MATN3: variants seen among roughly 807,000 people sequenced by gnomAD.
MATN3 encodes matrilin-3.
Under a neutral mutation model 45.3 loss-of-function variants are expected in MATN3, and 48 were observed. The observed-to-expected ratio is 1.06, with a 90% confidence interval of 0.84 to 1.35. The LOEUF is 1.35. Among genes scored for constraint, MATN3 ranks in the 40% most tolerant of loss-of-function variants. MATN3 has a pLI of 0.00. For missense variants in MATN3, 599 were observed against 628.0 expected, an observed-to-expected ratio of 0.95 and a Z score of 0.49; for synonymous variants, 217 against 245.9, an observed-to-expected ratio of 0.88 and a Z score of 1.10.
chr2:20,000,790 A>G (rs545269982), intron 4 of MATN3, among the ~76,000 whole-genome samples: 1 of 152,336 alleles, frequency 6.6e-6, no homozygotes, highest in South Asian at 2.1e-4. Flanking sequence ...TTTGGAAATC[A>G]TCAGTATTGA....
chr2:20,003,309 G>C, intron 2 of MATN3, 23 bp from the exon 3 acceptor site: 1 of 1,589,434 alleles, frequency 6.3e-7, no homozygotes, highest in Non-Finnish European at 8.6e-7. Flanking sequence ...GTTTACAACA[G>C]TCAGCACTGA....
At chr2:19,994,241 C>A in intron 7 of MATN3, 58 bp downstream of exon 7, 1 of 1,088,622 alleles carries the variant, frequency 9.2e-7, no homozygotes, top group Non-Finnish European at 1.4e-6. Flanking sequence ...GTGTTTGGCT[C>A]GATCGTAGTA....
chr2:20,009,270 TA>T (rs11365401), intron 1 of MATN3, among the ~76,000 whole-genome samples: 15,512 of 130,804 alleles, frequency 0.12, 1,070 homozygotes, highest in African/African-American at 0.23. Flanking sequence ...TTTCTTTCTT[TA>T]AAAAAAAAAA....
intron 1 of MATN3, among the ~76,000 whole-genome samples, chr2:20,009,027 C>A (rs1400138310): frequency 6.6e-6 from 1 of 151,968 alleles, no homozygotes. Context: ...GAGTTCTAGA[C>A]CAGCCTGGGC....
intron 7 of MATN3, 98 bp from the exon 8 acceptor site, chr2:19,993,264 G>A: frequency 2.1e-6 from 2 of 942,452 alleles, no homozygotes; most frequent in African/African-American, 1.7e-5. Flanking sequence ...TATGTCCTAT[G>A]AGAAGTGAAA....
At chr2:19,997,305 G>A (rs773174680) in intron 5 of MATN3, 46 bp from the exon 6 acceptor site, 2 of 1,538,730 alleles carry the variant, frequency 1.3e-6, no homozygotes, top group Non-Finnish European at 1.8e-6. Context: ...ACATTAAATA[G>A]AAAAGTAAAC....
chr2:19,994,210 T>C, intron 7 of MATN3, 89 bp downstream of exon 7: 1 of 751,412 alleles, frequency 1.3e-6, no homozygotes, highest in Non-Finnish European at 2.3e-6. Context: ...AATAAGTCAC[T>C]TGCCTGTGGA....
In MATN3 at chr2:20,012,415, C is replaced by G. The variant is rs916114741; in HGVS notation, c.217G>C (p.Gly73Arg). Reference sequence around the variant, plus strand: ...TCCCGCCGCCCGCCTGTACCTGCACCGCGGGCGCGGCCAGGCTCGCTGGTC... The same window carrying G: ...TCCCGCCGCCCGCCTGTACCTGCACGGCGGGCGCGGCCAGGCTCGCTGGTC... Reference protein sequence around the residue: ...SGTSEPGRARGAGVCKSRPLD... With the variant: ...SGTSEPGRARRAGVCKSRPLD... Residue 73 changes from glycine to arginine, a missense_variant, in exon 1 of 8, where the codon GGT (glycine) becomes CGT (arginine). By Grantham distance (125) the Gly-to-Arg change is moderately radical. Coordinates refer to ENST00000407540, the MANE Select transcript of MATN3 (RefSeq NM_002381.5). This position sits in a 1 kb window ranked among gnomAD's most constrained non-coding sequence, Gnocchi z 4.3. 23 of 1,229,244 alleles carry G rather than the reference C, an allele frequency of 1.9e-5. No individual in the cohort carries two copies. The highest frequency in any genetic ancestry group is 2.2e-5 in the Non-Finnish European group (22 of 986,458). 76.1% of individuals were successfully genotyped at this position (1,229,244 alleles called of 1,614,324 possible). A position where few individuals can be genotyped will look rare whatever the true frequency, so the allele number is the denominator to read the frequency against.
In MATN3 at chr2:20,012,544, G is replaced by A. The variant is rs1028533695; in HGVS notation, c.88C>T (p.Pro30Ser). 1 of 1,226,608 alleles carries A rather than the reference G, an allele frequency of 8.2e-7. No homozygotes were observed. The highest frequency in any genetic ancestry group is 1.0e-6 in the Non-Finnish European group (1 of 985,012). The allele number at this position is 1,226,608 out of a possible 1,614,324, so 76.0% of individuals were successfully genotyped here. ...LLLLPSAAPD[P>S]VARPGFRRLE... ...CTCCGGAAGCCCGGGCGGGCCACGG[G>A]GTCGGGGGCGGCGGAGGGCAGCAGC... The change falls in exon 1 of 8, where the codon CCC becomes TCC. Residue 30 changes from proline to serine, a missense_variant. Transcript: ENST00000407540. The surrounding 1 kb of genome is among the most constrained non-coding windows in gnomAD (Gnocchi z 4.3).
intron 2 of MATN3, 130 bp downstream of exon 2, chr2:20,005,614 A>G: frequency 1.3e-6 from 1 of 758,844 alleles, no homozygotes; most frequent in Non-Finnish European, 2.1e-6. Flanking sequence ...GTGCACACAC[A>G]CACACGCATT....
At chr2:20,005,551 C>T (rs914436872) in intron 2 of MATN3, among the ~76,000 whole-genome samples, 193 bp downstream of exon 2, 3 of 152,170 alleles carry the variant, frequency 2.0e-5, no homozygotes, top group African/African-American at 7.2e-5. Context: ...GCTCTATATT[C>T]CTAAACCAAT....
chr2:20,001,284 G>A (rs1401163786), intron 4 of MATN3, among the ~76,000 whole-genome samples: 3 of 152,104 alleles, frequency 2.0e-5, no homozygotes, highest in Admixed American at 2.0e-4. Context: ...TGCCATTAAT[G>A]TCCTTTTTCT....
intron 2 of MATN3, 34 bp from the exon 3 acceptor site, chr2:20,003,320 C>G (rs375173952): frequency 1.7e-5 from 27 of 1,561,388 alleles, no homozygotes; most frequent in Non-Finnish European, 2.4e-5. Flanking sequence ...TCAGCACTGA[C>G]ACTTAGGAAA....
At position 20,001,513 on chromosome 2, in the gene MATN3, G is replaced by A. The variant is rs1672982871; in HGVS notation, c.1042+442C>T. 3.3e-5 allele frequency among the ~76,000 whole-genome samples: 5 copies of A among 152,314 alleles called. No homozygotes were observed. In the South Asian group the frequency reaches 1.0e-3, roughly 32 times the overall value. Reference sequence around the variant, plus strand: ...GCAAGAATACTACAGGTGTGCTGTTGTGTCCACAGTATTGAGCACAGCATG... The same window carrying A: ...GCAAGAATACTACAGGTGTGCTGTTATGTCCACAGTATTGAGCACAGCATG... On this transcript the variant is annotated intron_variant, in intron 4 of 7. Transcript: ENST00000407540.
rs564730138 is a variant in MATN3, at chr2:19,999,941, GGGAGTGACT to G, written c.1168+491_1168+499del. 4.1e-4 allele frequency among the ~76,000 whole-genome samples: 63 copies of G among 152,330 alleles called. 2 individuals carry two copies. The South Asian group carries it at 0.013, about 31-fold the overall frequency. ...ATGATTGATCGTCTAGAAACTGCCAGGGAGTGACTGGCCTCAAACTTACTGGAAGATCTG... is the reference window on the plus strand; with the variant it reads ...ATGATTGATCGTCTAGAAACTGCCAGGGCCTCAAACTTACTGGAAGATCTG... On this transcript the variant is annotated intron_variant, in intron 5 of 7. Coordinates refer to ENST00000407540, the MANE Select transcript of MATN3 (RefSeq NM_002381.5).
chr2:20,007,848 A>G (rs903878443), intron 1 of MATN3, among the ~76,000 whole-genome samples: 1 of 152,178 alleles, frequency 6.6e-6, no homozygotes, highest in Non-Finnish European at 1.5e-5. Context: ...GTGTTCATCT[A>G]TTCTTTCCTG....
chr2:20,004,162 G>A (rs1673047258), intron 2 of MATN3: 1 of 152,232 alleles, frequency 6.6e-6, no homozygotes, highest in South Asian at 2.1e-4. Context: ...ATTTTCCCAA[G>A]AAGGGCCTTT....
rs1453864320 is a variant in MATN3, at chr2:19,994,323, A to G, written c.1381T>C (p.Tyr461His). Residue 461 changes from tyrosine to histidine, a missense_variant, in exon 7 of 8, where the codon TAT (tyrosine) becomes CAT (histidine). Transcript: ENST00000407540. ...TGTTTAGTGTTCAGTCTTTGAAGATACGAGCTGACCTTGTCCTGGAATGCC... is the reference window on the plus strand; with the variant it reads ...TGTTTAGTGTTCAGTCTTTGAAGATGCGAGCTGACCTTGTCCTGGAATGCC... ...TLAFQDKVSSYLQRLNTKLDD... is the reference protein window; with the variant it reads ...TLAFQDKVSSHLQRLNTKLDD... 1.2e-6 allele frequency: 2 copies of G among 1,613,128 alleles called. No individual in the cohort carries two copies. Among genetic ancestry groups the G allele is most frequent in the Non-Finnish European group, 1.7e-6 (2 of 1,179,374 alleles).
rs1031145561 is a variant in MATN3 at position 19,992,863 on chromosome 2, C to A, written c.*248G>T. 3 of 450,496 alleles carry A rather than the reference C, an allele frequency of 6.7e-6. No homozygotes were observed. The highest frequency in any genetic ancestry group is 4.4e-5 in the Admixed American group (1 of 22,600). 27.9% of individuals were successfully genotyped at this position (450,496 alleles called of 1,614,324 possible). A position where few individuals can be genotyped will look rare whatever the true frequency, so the allele number is the denominator to read the frequency against. ...ACTTTTCATTCTATTTCCTACCAAT[C>A]ATTTCACAGTCATAACTTAGAGACA... On this transcript the variant is annotated 3_prime_UTR_variant, in exon 8 of 8. Transcript: ENST00000407540.
Sources: gnomAD v4.1 joint callset for allele counts (sites outside exome capture counted in the v4.1 genomes callset) on GRCh38, gnomAD v4.1.1 for gene constraint, Gnocchi (gnomAD v3.1) non-coding constraint, MANE v1.5 for transcripts, NCBI Gene and HGNC (gene_info 2026-07-23, HGNC 2026-07-21) for gene names.